The following AK4 variants were observed in gnomAD, a reference collection of about 807,000 sequenced individuals.
The protein encoded by AK4 is adenylate kinase 4, mitochondrial.
Under a neutral mutation model 24.6 loss-of-function variants are expected in AK4, and 13 were observed. The ratio of observed to expected loss-of-function variants is 0.53; its 90% CI spans 0.34 to 0.84. The LOEUF is 0.84. Ranked by LOEUF, AK4 falls within the 40% of genes least tolerant of loss-of-function variation. The pLI, the probability that AK4 is intolerant of heterozygous loss-of-function variation, is 0.01. For synonymous variants in AK4, 88 were observed against 107.0 expected (o/e 0.82, Z 1.10); for missense variants, 192 against 288.2 (o/e 0.67, Z 2.42).
At chr1:65,196,191 C>T (rs1473593462) in intron 2 of AK4, among the ~76,000 whole-genome samples, 2 of 152,006 alleles carry the variant, frequency 1.3e-5, no homozygotes, top group East Asian at 1.9e-4. Flanking sequence ...GCCTGTTGAG[C>T]GTGCTAAAGG....
At chr1:65,214,014 T>G (rs1044294865) in intron 2 of AK4, among the ~76,000 whole-genome samples, 1 of 152,200 alleles carries the variant, frequency 6.6e-6, no homozygotes, top group Non-Finnish European at 1.5e-5. Flanking sequence ...TGCTGATACC[T>G]TGGTCTTGGA....
intron 3 of AK4, among the ~76,000 whole-genome samples, chr1:65,223,278 C>T (rs1248295092): frequency 6.6e-6 from 1 of 151,832 alleles, no homozygotes; most frequent in African/African-American, 2.4e-5. Context: ...CAACCTTTGC[C>T]CCTGGGTTCA....
rs147136646 is a variant in AK4 at position 65,194,723 on chromosome 1, A to C, written c.265+3894A>C. Reference sequence around the variant, plus strand: ...ATGATCCGCCCACCTCGGCCTCCCAAAGTGTTGGGATTACAGGCGTGAGCC... The same window carrying C: ...ATGATCCGCCCACCTCGGCCTCCCACAGTGTTGGGATTACAGGCGTGAGCC... On this transcript the variant is annotated intron_variant, in intron 2 of 4. Transcript: ENST00000327299. 2.9e-3 allele frequency among the ~76,000 whole-genome samples: 443 copies of C among 152,284 alleles called. 1 individual carries two copies. Among genetic ancestry groups the C allele is most frequent in the Non-Finnish European group, 2.8e-3 (192 of 68,016 alleles).
rs144413712 is a variant in AK4 at position 65,200,416 on chromosome 1, A to T, written c.265+9587A>T. ...AGGCGTGAGCCACCGTGCCCGGTCT[A>T]GGTAACAGTTTTCTAAACAGAGTAA... On this transcript the variant is annotated intron_variant, in intron 2 of 4. Transcript: ENST00000327299. 8.2e-4 allele frequency among the ~76,000 whole-genome samples: 125 copies of T among 152,240 alleles called. No homozygotes were observed. The East Asian group carries it at 0.022, about 27-fold the overall frequency.
chr1:65,168,771 C>A (rs113091602), intron 1 of AK4, among the ~76,000 whole-genome samples: 1 of 152,154 alleles, frequency 6.6e-6, no homozygotes, highest in African/African-American at 2.4e-5. Flanking sequence ...AATCTGTAGT[C>A]CTGTCCTTTG....
chr1:65,190,864 G>A (rs1415592517), intron 2 of AK4, 35 bp downstream of exon 2: 4 of 1,610,446 alleles, frequency 2.5e-6, no homozygotes, highest in Non-Finnish European at 2.5e-6. Flanking sequence ...GAATTTCTGG[G>A]AATAGTCAGT....
Position 65,229,712 on chromosome 1 carries a change from C to T in AK4, c.*3535C>T, listed in dbSNP as rs987157830. ...AGGCTGGGCTTGGGCCCAGGCTAATCTATGAAGGAAGCAAGCTCGTGTTCC... is the reference window on the plus strand; with the variant it reads ...AGGCTGGGCTTGGGCCCAGGCTAATTTATGAAGGAAGCAAGCTCGTGTTCC... On this transcript the variant is annotated 3_prime_UTR_variant, in exon 5 of 5. Transcript: ENST00000327299. 19 of 152,200 alleles carry T rather than the reference C, an allele frequency of 1.2e-4. No individual in the cohort carries two copies. The highest frequency in any genetic ancestry group is 1.1e-3 in the Admixed American group (17 of 15,282). 9.4% of individuals were successfully genotyped at this position (152,200 alleles called of 1,614,324 possible). A position where few individuals can be genotyped will look rare whatever the true frequency, so the allele number is the denominator to read the frequency against.
intron 2 of AK4, among the ~76,000 whole-genome samples, chr1:65,196,373 T>G (rs1421258883): frequency 6.6e-6 from 1 of 152,000 alleles, no homozygotes; most frequent in Non-Finnish European, 1.5e-5. Flanking sequence ...GGGTGAGTGT[T>G]CTGTGGTTTG....
intron 1 of AK4, among the ~76,000 whole-genome samples, chr1:65,181,852 T>C (rs548697007): frequency 6.6e-6 from 1 of 152,242 alleles, no homozygotes. Context: ...GCCCCCTCCC[T>C]TTGTGGTTTC....
At chr1:65,223,647 A>G (rs1652363738) in intron 3 of AK4, among the ~76,000 whole-genome samples, 1 of 152,194 alleles carries the variant, frequency 6.6e-6, no homozygotes, top group Non-Finnish European at 1.5e-5. Context: ...ATAGAAAGCT[A>G]GCAAAATAAT....
intron 3 of AK4, among the ~76,000 whole-genome samples, chr1:65,222,590 T>C: frequency 6.6e-6 from 1 of 152,214 alleles, no homozygotes; most frequent in East Asian, 1.9e-4. Flanking sequence ...AATGACTTTC[T>C]GAGCCTTGTG....
At chr1:65,152,178 T>C (rs1557434119) in intron 1 of AK4, among the ~76,000 whole-genome samples, 4 of 151,694 alleles carry the variant, frequency 2.6e-5, no homozygotes, top group South Asian at 4.2e-4. Flanking sequence ...GTTGGAGAAA[T>C]AGTGGTATTT....
At chr1:65,165,090 A>G (rs1334343826) in intron 1 of AK4, among the ~76,000 whole-genome samples, 1 of 152,234 alleles carries the variant, frequency 6.6e-6, no homozygotes, top group African/African-American at 2.4e-5. Flanking sequence ...ATACTCAATT[A>G]TTTTATAAAG....
At chr1:65,197,044 C>T (rs1010455724) in intron 2 of AK4, among the ~76,000 whole-genome samples, 5 of 152,098 alleles carry the variant, frequency 3.3e-5, no homozygotes, top group African/African-American at 7.2e-5. Context: ...GAGAACAGCA[C>T]GGAAAAGACC....
chr1:65,190,890 T>C lies in AK4; in HGVS notation c.265+61T>C, dbSNP rs905054811. On this transcript the variant is annotated intron_variant, in intron 2 of 4. Coordinates refer to ENST00000327299, the MANE Select transcript of AK4 (RefSeq NM_013410.4). ...AATAGTCAGTTAAGGTCTTGCACAC[T>C]CCCTTAACTTCTTACCGAATGGAAA... The C allele has an allele frequency of 6.2e-5, 94 of 1,528,072 alleles. 2 individuals are homozygous for C. Among genetic ancestry groups the C allele is most frequent in the Non-Finnish European group, 2.6e-6 (3 of 1,137,628 alleles). The allele number at this position is 1,528,072 out of a possible 1,614,324, so 94.7% of individuals were successfully genotyped here.
intron 1 of AK4, among the ~76,000 whole-genome samples, chr1:65,181,611 C>T (rs1335185332): frequency 6.6e-6 from 1 of 152,122 alleles, no homozygotes; most frequent in Admixed American, 6.5e-5. Context: ...TGGTCTCAAA[C>T]TCCTGACCTC....
At chr1:65,221,873 G>T (rs1889925) in intron 3 of AK4, among the ~76,000 whole-genome samples, 4 of 152,022 alleles carry the variant, frequency 2.6e-5, no homozygotes, top group Non-Finnish European at 5.9e-5. Flanking sequence ...AGCTCTACCA[G>T]CTGTGGTGAA....
chr1:65,198,654 G>A (rs779312776), intron 2 of AK4, among the ~76,000 whole-genome samples: 1 of 152,092 alleles, frequency 6.6e-6, no homozygotes, highest in African/African-American at 2.4e-5. Context: ...TGGTCAAAAT[G>A]ATTGCATGAA....
intron 1 of AK4, among the ~76,000 whole-genome samples, chr1:65,187,363 A>AAGAAAAAT (rs1651136133): frequency 6.6e-6 from 1 of 151,242 alleles, no homozygotes; most frequent in South Asian, 2.1e-4. Context: ...AAAAAAAAAA[A>AAGAAAAAT]AAAAAGAAGT....
Sources: allele counts gnomAD v4.1 joint callset (sites outside exome capture counted in the v4.1 genomes callset), GRCh38; gene constraint gnomAD v4.1.1; transcripts MANE v1.5; gene names NCBI Gene and HGNC (gene_info 2026-07-23, HGNC 2026-07-21).